XXYLT1: variants seen among roughly 807,000 people sequenced by gnomAD.
The protein encoded by XXYLT1 is xyloside xylosyltransferase 1, also known as UDP-xylose:alpha-xyloside alpha-1,3-xylosyltransferase.
A neutral mutation model predicts 28.9 loss-of-function variants in XXYLT1; 20 were observed. The observed-to-expected ratio is 0.69, with a 90% CI of 0.49 to 1.00. XXYLT1 has a LOEUF of 1.00. Among genes scored for constraint, XXYLT1 ranks in the 50% least tolerant of loss-of-function variants. The pLI, the probability that XXYLT1 is intolerant of heterozygous loss-of-function variation, is 0.00. For missense variants in XXYLT1, 542 were observed against 560.1 expected (o/e 0.97, Z 0.33); for synonymous variants, 257 against 253.8 (o/e 1.01, Z -0.12).
At chr3:195,130,009 C>A (rs1385465412) in intron 3 of XXYLT1, among the ~76,000 whole-genome samples, 1 of 152,182 alleles carries the variant, frequency 6.6e-6, no homozygotes, top group Non-Finnish European at 1.5e-5. Context: ...TTATAGCTGA[C>A]CAGTGGATAT....
intron 3 of XXYLT1, among the ~76,000 whole-genome samples, chr3:195,153,353 G>C (rs1720384139): frequency 6.6e-6 from 1 of 152,194 alleles, no homozygotes; most frequent in Non-Finnish European, 1.5e-5. Flanking sequence ...ACGTTACAAG[G>C]CAATTCCCCA....
chr3:195,265,447 C>T (rs1304590981), intron 1 of XXYLT1, among the ~76,000 whole-genome samples: 4 of 151,778 alleles, frequency 2.6e-5, no homozygotes, highest in East Asian at 1.9e-4. Flanking sequence ...ACAAGAGATT[C>T]GGGGAAGGTC....
intron 2 of XXYLT1, among the ~76,000 whole-genome samples, chr3:195,162,731 G>T (rs1021929201): frequency 2.0e-5 from 3 of 152,182 alleles, no homozygotes; most frequent in Non-Finnish European, 4.4e-5. Context: ...TATCCTTTAG[G>T]ATAGGACAGA....
intron 2 of XXYLT1, chr3:195,207,459 T>C: frequency 2.2e-6 from 1 of 456,578 alleles, no homozygotes; most frequent in Non-Finnish European, 4.4e-6. Flanking sequence ...GGCCTTCTGT[T>C]ATGTGCAAGA....
intron 1 of XXYLT1, among the ~76,000 whole-genome samples, chr3:195,246,676 G>A (rs1040219460): frequency 5.3e-5 from 8 of 152,338 alleles, no homozygotes; most frequent in Admixed American, 1.3e-4. Context: ...CTCCAAAGGA[G>A]AGGCGGGGGT....
chr3:195,124,392 T>C lies in XXYLT1; in HGVS notation c.785+32057A>G, dbSNP rs1399764234. 6.6e-6 allele frequency among the ~76,000 whole-genome samples: 1 copy of C among 152,200 alleles called. No individual in the cohort carries two copies. Among genetic ancestry groups the C allele is most frequent in the Non-Finnish European group, 1.5e-5 (1 of 68,026 alleles). ...GAACGATGGGTATAAATCCAAGACC[T>C]AGGACTCACCTGGAAGGGAAATGGT... is the stretch of plus-strand genomic sequence containing the variant. On this transcript the variant is annotated intron_variant, in intron 3 of 3. Transcript: ENST00000310380. The surrounding 1 kb of genome is among the most constrained non-coding windows in gnomAD (Gnocchi z 4.1).
rs1047836729 is a variant in XXYLT1 at position 195,078,055 on chromosome 3, G to A, written c.786-7944C>T. Reference sequence around the variant, plus strand: ...ATGAGGGGGAAGAGGCAGTGGAGGGGCTTTAAGCCTGGATCCCTACTCAGA... The same window carrying A: ...ATGAGGGGGAAGAGGCAGTGGAGGGACTTTAAGCCTGGATCCCTACTCAGA... On this transcript the variant is annotated intron_variant, in intron 3 of 3. Coordinates refer to ENST00000310380, the MANE Select transcript of XXYLT1 (RefSeq NM_152531.5). The surrounding 1 kb of genome is among the most constrained non-coding windows in gnomAD (Gnocchi z 5.0). Among the ~76,000 whole-genome samples the A allele has an allele frequency of 6.6e-6, 1 of 152,150 alleles. No homozygotes were observed. The highest frequency in any genetic ancestry group is 1.5e-5 in the Non-Finnish European group (1 of 68,008).
intron 1 of XXYLT1, among the ~76,000 whole-genome samples, chr3:195,246,039 A>AAG (rs1725009670): frequency 6.6e-6 from 1 of 152,236 alleles, no homozygotes; most frequent in Non-Finnish European, 1.5e-5. Context: ...TCTAATACAG[A>AAG]AGACAACACA....
At position 195,210,583 on chromosome 3, in the gene XXYLT1, AC is replaced by A. The variant is rs1197862239; in HGVS notation, c.652+16125del. On this transcript the variant is annotated intron_variant, in intron 2 of 3. Transcript: ENST00000310380. The surrounding 1 kb of genome is among the most constrained non-coding windows in gnomAD (Gnocchi z 4.8). ...CCAAAACGGGAAATATTACTGTTCAACCAATTTGGCAACTATTTTCATTAGC... is the reference window on the plus strand; with the variant it reads ...CCAAAACGGGAAATATTACTGTTCAACAATTTGGCAACTATTTTCATTAGC... Among the ~76,000 whole-genome samples, 1 of 151,572 alleles carries A rather than the reference AC, an allele frequency of 6.6e-6. No individual in the cohort carries two copies. Among genetic ancestry groups the A allele is most frequent in the Non-Finnish European group, 1.5e-5 (1 of 67,970 alleles).
chr3:195,160,313 G>A lies in XXYLT1; in HGVS notation c.653-3732C>T, dbSNP rs139079714. Among the ~76,000 whole-genome samples the A allele has an allele frequency of 2.2e-4, 34 of 152,326 alleles. No individual in the cohort carries two copies. In the East Asian group the frequency reaches 6.4e-3, roughly 29 times the overall value. On this transcript the variant is annotated intron_variant, in intron 2 of 3. Coordinates refer to ENST00000310380, the MANE Select transcript of XXYLT1 (RefSeq NM_152531.5). ...GGAGGGGCAGGTGAACCATGCAAGCGCCTCCTCTGTCTTTCTGTTTTGAAA... is the reference window on the plus strand; with the variant it reads ...GGAGGGGCAGGTGAACCATGCAAGCACCTCCTCTGTCTTTCTGTTTTGAAA...
intron 1 of XXYLT1, among the ~76,000 whole-genome samples, chr3:195,258,998 T>G (rs978638093): frequency 6.6e-6 from 1 of 152,148 alleles, no homozygotes; most frequent in African/African-American, 2.4e-5. Flanking sequence ...AACAGCAGGG[T>G]GTCAGTTCCC....
intron 2 of XXYLT1, among the ~76,000 whole-genome samples, chr3:195,172,904 AGT>A (rs1721480163): frequency 6.6e-6 from 1 of 152,230 alleles, no homozygotes; most frequent in African/African-American, 2.4e-5. Context: ...GAGGAGAACC[AGT>A]GGAGTTGGAG....
chr3:195,247,123 C>A (rs1446917788), intron 1 of XXYLT1, among the ~76,000 whole-genome samples: 1 of 152,068 alleles, frequency 6.6e-6, no homozygotes, highest in South Asian at 2.1e-4. Flanking sequence ...ACAGTAGAAG[C>A]CGTTTTTCTA....
chr3:195,070,433 A>C (rs1714738342), intron 3 of XXYLT1, among the ~76,000 whole-genome samples: 1 of 151,960 alleles, frequency 6.6e-6, no homozygotes, highest in Admixed American at 6.6e-5. Context: ...CTCTGAGATG[A>C]TACATCATTT....
intron 2 of XXYLT1, among the ~76,000 whole-genome samples, chr3:195,186,089 A>T (rs1349268220): frequency 6.6e-6 from 1 of 152,136 alleles, no homozygotes; most frequent in Non-Finnish European, 1.5e-5. Context: ...CTTCTGCTAC[A>T]TGATCAAGTT....
At chr3:195,174,254 T>C (rs1721549291) in intron 2 of XXYLT1, among the ~76,000 whole-genome samples, 1 of 151,820 alleles carries the variant, frequency 6.6e-6, no homozygotes, top group African/African-American at 2.4e-5. Context: ...GGCAGAGGAG[T>C]GGATCCTGGG....
At chr3:195,117,208 G>C (rs1398590630) in intron 3 of XXYLT1, among the ~76,000 whole-genome samples, 2 of 151,768 alleles carry the variant, frequency 1.3e-5, no homozygotes, top group African/African-American at 4.8e-5. Context: ...CACTAGCTCG[G>C]AAGGACACAT....
At chr3:195,113,133 G>A (rs953699382) in intron 3 of XXYLT1, among the ~76,000 whole-genome samples, 2 of 152,222 alleles carry the variant, frequency 1.3e-5, no homozygotes, top group Non-Finnish European at 2.9e-5. Context: ...CTCGCACAGA[G>A]CCTGGCAAGA....
intron 3 of XXYLT1, among the ~76,000 whole-genome samples, chr3:195,073,630 A>G (rs1714952823): frequency 6.6e-6 from 1 of 152,130 alleles, no homozygotes; most frequent in African/African-American, 2.4e-5. Context: ...CTTTAGAAAT[A>G]ATTTCAACTG....
Sources: gnomAD v4.1 joint callset for allele counts (sites outside exome capture counted in the v4.1 genomes callset) on GRCh38, gnomAD v4.1.1 for gene constraint, Gnocchi (gnomAD v3.1) non-coding constraint, MANE v1.5 for transcripts, NCBI Gene and HGNC (gene_info 2026-07-23, HGNC 2026-07-21) for gene names.